Variants in NF2 observed in about 807,000 individuals in gnomAD.
NF2 encodes the protein merlin.
In NF2, 8 loss-of-function variants were observed where a neutral mutation model predicts 83.7. The observed-to-expected ratio is 0.10, with a 90% confidence interval of 0.06 to 0.17. NF2 has a LOEUF of 0.17. NF2 is among the 10% of genes least tolerant of loss of function. The probability of loss-of-function intolerance (pLI) is 1.00; values close to 1 mark genes in which losing one functional copy is unlikely to be tolerated. For missense variants in NF2, 533 were observed against 744.4 expected (o/e 0.72, Z 3.31); for synonymous variants, 266 against 269.6 (o/e 0.99, Z 0.13).
chr22:29,689,306 A>G (rs777311286), intron 15 of NF2, among the ~76,000 whole-genome samples: 1 of 151,710 alleles, frequency 6.6e-6, no homozygotes, highest in Non-Finnish European at 1.5e-5. Context: ...CACACCCCAA[A>G]CCAAAGATTC....
rs1018457603 is a variant in NF2, at chr22:29,695,960, C to T, written c.*1158C>T. On this transcript the variant is annotated 3_prime_UTR_variant, in exon 16 of 16. Transcript: ENST00000338641. The surrounding 1 kb of genome is among the most constrained non-coding windows in gnomAD (Gnocchi z 5.4). The stretch of plus-strand genomic sequence containing the variant: ...GATGCAGGTGTCCACTCACAGGTGG[C>T]GCTCACCTAGGCTGTCACAGGACCC... 8 of 231,778 alleles carry T rather than the reference C, an allele frequency of 3.5e-5. No individual in the cohort carries two copies. The highest frequency in any genetic ancestry group is 6.8e-5 in the Non-Finnish European group (8 of 117,360). The allele number at this position is 231,778 out of a possible 1,614,324, so 14.4% of individuals were successfully genotyped here.
rs777231931 is a variant in NF2 at position 29,654,749 on chromosome 22, A to G, written c.516+24A>G. ...GGGTAAGAGATTAAATTCCCTTTTC[A>G]GGAAGACATAGCAGATATGTGGTCT... On this transcript the variant is annotated intron_variant, in intron 5 of 15. Transcript: ENST00000338641. 14 of 1,563,472 alleles carry G rather than the reference A, an allele frequency of 9.0e-6. No homozygotes were observed. The Admixed American group carries it at 1.7e-4, about 19-fold the overall frequency.
At chr22:29,612,335 A>AT (rs891333490) in intron 1 of NF2, among the ~76,000 whole-genome samples, 190 of 147,960 alleles carry the variant, frequency 1.3e-3, no homozygotes, top group African/African-American at 4.0e-3. Context: ...TAATTAATTG[A>AT]TTTTTTTTTT....
rs1280688687 is a variant in NF2, at chr22:29,695,498, G to A, written c.*696G>A. 4.1e-6 allele frequency: 1 copy of A among 244,964 alleles called. No homozygotes were observed. The highest frequency in any genetic ancestry group is 5.8e-5 in the East Asian group (1 of 17,322). The allele number at this position is 244,964 out of a possible 1,614,324, so 15.2% of individuals were successfully genotyped here. On this transcript the variant is annotated 3_prime_UTR_variant, in exon 16 of 16. Coordinates refer to ENST00000338641, the MANE Select transcript of NF2 (RefSeq NM_000268.4). This position sits in a 1 kb window ranked among gnomAD's most constrained non-coding sequence, Gnocchi z 5.4. ...GCCGAGGGGCTGGGTAGTGCCGTGC[G>A]GGAGCTGATGGTACAGGGCACTCGC... is the stretch of plus-strand genomic sequence containing the variant.
chr22:29,627,670 C>T (rs563155728), intron 1 of NF2, among the ~76,000 whole-genome samples: 3 of 152,232 alleles, frequency 2.0e-5, no homozygotes, highest in African/African-American at 7.2e-5. Context: ...CTCTGCACTT[C>T]AGCGGGAAAG....
intron 14 of NF2, among the ~76,000 whole-genome samples, chr22:29,678,602 C>T (rs1247280062): frequency 6.6e-6 from 1 of 152,222 alleles, no homozygotes; most frequent in Non-Finnish European, 1.5e-5. Context: ...CTCTAAGCCT[C>T]ACCTAAAGTG....
intron 12 of NF2, 71 bp from the exon 13 acceptor site, chr22:29,674,765 G>A: frequency 7.3e-7 from 1 of 1,372,118 alleles, no homozygotes; most frequent in Admixed American, 2.0e-5. Context: ...CTCCTCTGCA[G>A]GGGTGGGGTG....
intron 4 of NF2, among the ~76,000 whole-genome samples, chr22:29,643,112 C>T (rs1032100779): frequency 6.6e-6 from 1 of 151,964 alleles, no homozygotes; most frequent in Non-Finnish European, 1.5e-5. Context: ...AATTGGGGCT[C>T]CTTGATTACT....
chr22:29,668,988 T>C (rs568515775), intron 10 of NF2, among the ~76,000 whole-genome samples: 1 of 152,382 alleles, frequency 6.6e-6, no homozygotes, highest in African/African-American at 2.4e-5. Context: ...TTTCTACTCA[T>C]AAACCTTCTC....
chr22:29,668,268 TG>T, intron 9 of NF2, 64 bp from the exon 10 acceptor site: 2 of 1,160,432 alleles, frequency 1.7e-6, no homozygotes, highest in Non-Finnish European at 2.6e-6. Context: ...ATGGCACTAG[TG>T]GGCCAGTAGG....
chr22:29,638,965 T>C (rs1401675284), intron 2 of NF2, 125 bp from the exon 3 acceptor site: 12 of 1,382,110 alleles, frequency 8.7e-6, no homozygotes, highest in Non-Finnish European at 1.2e-5. Context: ...AATCACAACT[T>C]TCAGGAAATG....
At chr22:29,635,477 C>A (rs192973094) in intron 1 of NF2, among the ~76,000 whole-genome samples, 1 of 151,924 alleles carries the variant, frequency 6.6e-6, no homozygotes, top group Non-Finnish European at 1.5e-5. Flanking sequence ...TACAGGCATG[C>A]GCTACCACAC....
intron 8 of NF2, among the ~76,000 whole-genome samples, chr22:29,664,444 C>T (rs2066561359): frequency 6.6e-6 from 1 of 151,862 alleles, no homozygotes; most frequent in Non-Finnish European, 1.5e-5. Flanking sequence ...TCTGGTTTTG[C>T]CCTGTGCAGA....
intron 6 of NF2, among the ~76,000 whole-genome samples, chr22:29,656,539 G>C (rs1201483355): frequency 4.7e-5 from 7 of 150,404 alleles, no homozygotes; most frequent in Non-Finnish European, 1.0e-4. Flanking sequence ...AGCCTCCCGA[G>C]TAGCTGGGAC....
chr22:29,619,399 TTTG>T (rs759903181), intron 1 of NF2, among the ~76,000 whole-genome samples: 2 of 149,802 alleles, frequency 1.3e-5, no homozygotes, highest in Non-Finnish European at 3.0e-5. Flanking sequence ...TGTTTGTTTG[TTTG>T]TTTGTTTGTT....
chr22:29,620,050 A>G lies in NF2; in HGVS notation c.114+15938A>G, dbSNP rs180779490. 2.1e-4 allele frequency among the ~76,000 whole-genome samples: 32 copies of G among 152,346 alleles called. 1 individual carries two copies. Among genetic ancestry groups the G allele is most frequent in the African/African-American group, 7.2e-4 (30 of 41,598 alleles). On this transcript the variant is annotated intron_variant, in intron 1 of 15. Coordinates refer to ENST00000338641, the MANE Select transcript of NF2 (RefSeq NM_000268.4). Reference sequence around the variant, plus strand: ...CGGGGTGGCCAGATCACTTGAGGCCAGGAGTTCGAGACCAGTTTGGGCACA... The same window carrying G: ...CGGGGTGGCCAGATCACTTGAGGCCGGGAGTTCGAGACCAGTTTGGGCACA...
chr22:29,618,594 G>A lies in NF2; in HGVS notation c.114+14482G>A, dbSNP rs547814322. ...GTGGGTGCTGAGTGTAATTTGCCAG[G>A]AGGCTAAACGGCTATGTTATTTCTT... On this transcript the variant is annotated intron_variant, in intron 1 of 15. Coordinates refer to ENST00000338641, the MANE Select transcript of NF2 (RefSeq NM_000268.4). Among the ~76,000 whole-genome samples, 9 of 152,288 alleles carry A rather than the reference G, an allele frequency of 5.9e-5. No individual in the cohort carries two copies. In the East Asian group the frequency reaches 1.7e-3, roughly 29 times the overall value.
intron 1 of NF2, among the ~76,000 whole-genome samples, chr22:29,625,810 C>T (rs2065352254): frequency 1.3e-5 from 2 of 152,168 alleles, no homozygotes; most frequent in Admixed American, 1.3e-4. Context: ...TTTTCTCTTC[C>T]AACTCTTTTG....
rs900545157 is a variant in NF2, at chr22:29,678,239, G to C, written c.1490G>C (p.Ser497Thr). The part of the protein sequence containing the change: ...IPAPLPPDIP[S>T]FNLIGDSLSF... ...GCACCGTTGCCTCCTGACATACCAA[G>C]CTTCAACCTCATTGGTGACAGCCTG... Residue 497 changes from serine to threonine, a missense_variant, in exon 14 of 16, where the codon AGC becomes ACC. This residue lies in a region of NF2 where 199 missense variants were observed against 240.7 expected (regional missense o/e 0.83). Transcript: ENST00000338641. The C allele has an allele frequency of 4.0e-5, 64 of 1,614,052 alleles. No individual in the cohort carries two copies. Among genetic ancestry groups the C allele is most frequent in the Non-Finnish European group, 5.3e-5 (63 of 1,180,012 alleles).
Sources: gnomAD v4.1 joint callset for allele counts (sites outside exome capture counted in the v4.1 genomes callset) on GRCh38, gnomAD v4.1.1 for gene constraint, gnomAD v4.1.1 regional missense constraint, Gnocchi (gnomAD v3.1) non-coding constraint, MANE v1.5 for transcripts, NCBI Gene and HGNC (gene_info 2026-07-23, HGNC 2026-07-21) for gene names.